SCARA3: variants seen among roughly 807,000 people sequenced by gnomAD.
The protein encoded by SCARA3 is cellular stress response gene protein.
SCARA3 carries 39 observed loss-of-function variants against 47.0 expected under a neutral mutation model. That is an observed-to-expected ratio of 0.83 (90% confidence interval 0.64 to 1.08). The LOEUF is 1.08. Ranked by LOEUF, SCARA3 falls within the 50% of genes least tolerant of loss-of-function variation. SCARA3 has a pLI of 0.00. For missense variants in SCARA3, 724 were observed against 792.3 expected (o/e 0.91, Z 1.04); for synonymous variants, 356 against 334.1 (o/e 1.07, Z -0.71).
the SCARA3 span, among the ~76,000 whole-genome samples, chr8:27,714,421 C>T: frequency 2.6e-5 from 4 of 152,174 alleles, no homozygotes; most frequent in African/African-American, 9.6e-5. Context: ...TCTTGAACTC[C>T]TGACCTTGTG....
intron 5 of SCARA3, among the ~76,000 whole-genome samples, chr8:27,670,005 C>G (rs1040703598): frequency 1.3e-5 from 2 of 152,030 alleles, no homozygotes; most frequent in South Asian, 4.2e-4. Flanking sequence ...CTCTCAGACC[C>G]ACATAGCCAG....
chr8:27,731,890 G>A, the SCARA3 span, among the ~76,000 whole-genome samples: 17 of 139,512 alleles, frequency 1.2e-4, no homozygotes, highest in Admixed American at 1.3e-3. Flanking sequence ...CCAGGGCACT[G>A]CACGGTACCC....
At chr8:27,635,694 G>A (rs930884628) in intron 1 of SCARA3, among the ~76,000 whole-genome samples, 3 of 151,126 alleles carry the variant, frequency 2.0e-5, no homozygotes, top group Admixed American at 6.6e-5. Context: ...GGCCTCAAAC[G>A]ATCCTCCCAC....
rs1057005010 is a variant in SCARA3, at chr8:27,671,643, C to G, written c.*292C>G. 5 of 1,130,328 alleles carry G rather than the reference C, an allele frequency of 4.4e-6. No homozygotes were observed. The highest frequency in any genetic ancestry group is 4.8e-5 in the Admixed American group (1 of 20,986). The allele number at this position is 1,130,328 out of a possible 1,614,324, so 70.0% of individuals were successfully genotyped here. A position where few individuals can be genotyped will look rare whatever the true frequency, so the allele number is the denominator to read the frequency against. ...ACACATACACAGGCATACATGCATG[C>G]ACACACACATGCACGCACACACACA... On this transcript the variant is annotated 3_prime_UTR_variant, in exon 6 of 6. Transcript: ENST00000301904.
chr8:27,644,786 C>T (rs780947004), intron 1 of SCARA3, among the ~76,000 whole-genome samples: 1 of 152,176 alleles, frequency 6.6e-6, no homozygotes, highest in Non-Finnish European at 1.5e-5. Flanking sequence ...AGGCACTCCT[C>T]GATTTTCAGC....
At chr8:27,680,739 CA>C (rs1266399903), downstream of SCARA3, among the ~76,000 whole-genome samples, 1 of 152,044 alleles carries the variant, frequency 6.6e-6, no homozygotes, top group Non-Finnish European at 1.5e-5. Flanking sequence ...AAATTCTTAA[CA>C]AATTGAATTA....
At chr8:27,697,224 C>T in the SCARA3 span, 37 of 218,682 alleles carry the variant, frequency 1.7e-4, 1 homozygote, top group East Asian at 3.5e-3. Flanking sequence ...CCTCAGCAGA[C>T]GCAGCCTGCA....
chr8:27,641,860 C>T (rs781735469), intron 1 of SCARA3, among the ~76,000 whole-genome samples: 6 of 152,160 alleles, frequency 3.9e-5, no homozygotes, highest in Non-Finnish European at 7.3e-5. Context: ...TGGCAGGAGA[C>T]AGAATGAAGA....
intron 3 of SCARA3, among the ~76,000 whole-genome samples, chr8:27,652,512 C>T (rs1288473524): frequency 1.3e-5 from 2 of 152,196 alleles, no homozygotes; most frequent in Admixed American, 1.3e-4. Context: ...AGGGGGGCCC[C>T]CTGCTCTCAT....
At chr8:27,714,662 C>A in the SCARA3 span, among the ~76,000 whole-genome samples, 1 of 152,110 alleles carries the variant, frequency 6.6e-6, no homozygotes, top group Non-Finnish European at 1.5e-5. Flanking sequence ...ATTTCCATAT[C>A]TATATCTATT....
At chr8:27,720,133 G>A in the SCARA3 span, among the ~76,000 whole-genome samples, 1 of 151,150 alleles carries the variant, frequency 6.6e-6, no homozygotes. Context: ...GAGATTATAG[G>A]AGATGTGGGG....
At chr8:27,699,613 G>T in the SCARA3 span, among the ~76,000 whole-genome samples, 2 of 152,182 alleles carry the variant, frequency 1.3e-5, no homozygotes, top group Non-Finnish European at 2.9e-5. Context: ...TTCAGTTGGA[G>T]GGCCTATACT....
chr8:27,646,993 A>G (rs1385240144), intron 1 of SCARA3, among the ~76,000 whole-genome samples: 1 of 26,596 alleles, frequency 3.8e-5, no homozygotes, highest in South Asian at 1.5e-3. Flanking sequence ...GCACACACAC[A>G]CTATTGCCCC....
chr8:27,655,732 G>A (rs1218497655), intron 3 of SCARA3, among the ~76,000 whole-genome samples: 1 of 152,038 alleles, frequency 6.6e-6, no homozygotes, highest in African/African-American at 2.4e-5. Context: ...CAGAAGAAGA[G>A]GTACTTTAAG....
chr8:27,708,710 C>T, the SCARA3 span, among the ~76,000 whole-genome samples: 1 of 151,954 alleles, frequency 6.6e-6, no homozygotes, highest in African/African-American at 2.4e-5. Context: ...TTTTATTTTA[C>T]ATTCAGGGGG....
At chr8:27,714,342 C>T in the SCARA3 span, among the ~76,000 whole-genome samples, 1 of 151,778 alleles carries the variant, frequency 6.6e-6, no homozygotes, top group Admixed American at 6.6e-5. Flanking sequence ...TTACAGGTGC[C>T]CGCCACCACG....
the SCARA3 span, among the ~76,000 whole-genome samples, chr8:27,714,193 CTTTTTTTTT>C: frequency 8.8e-6 from 1 of 114,112 alleles, no homozygotes; most frequent in African/African-American, 3.6e-5. Context: ...TCAGGTATTC[CTTTTTTTTT>C]TTTTTTTTTT....
At chr8:27,722,163 T>A in the SCARA3 span, among the ~76,000 whole-genome samples, 108 of 152,292 alleles carry the variant, frequency 7.1e-4, no homozygotes, top group Non-Finnish European at 1.2e-3. Context: ...TTTGTAGACA[T>A]TAATTAAATA....
the SCARA3 span, among the ~76,000 whole-genome samples, chr8:27,727,166 C>A: frequency 6.6e-6 from 1 of 152,210 alleles, no homozygotes; most frequent in Non-Finnish European, 1.5e-5. Context: ...CCTACCTGAG[C>A]CTCCCAAGTA....
Sources: allele counts gnomAD v4.1 joint callset (sites outside exome capture counted in the v4.1 genomes callset), GRCh38; gene constraint gnomAD v4.1.1; transcripts MANE v1.5; gene names NCBI Gene and HGNC (gene_info 2026-07-23, HGNC 2026-07-21).